RBMS3: variants seen among roughly 807,000 people sequenced by gnomAD.
The protein encoded by RBMS3 is RNA binding motif single stranded interacting protein 3.
In RBMS3, 27 loss-of-function variants were observed where a neutral mutation model predicts 66.8. That is an observed-to-expected ratio of 0.40 (90% confidence interval 0.30 to 0.56). The LOEUF (loss-of-function observed/expected upper bound fraction) is 0.56, where lower values mean the gene tolerates loss of function less well. Among genes scored for constraint, RBMS3 ranks in the 20% least tolerant of loss-of-function variants. The probability of loss-of-function intolerance (pLI) is 0.40; values close to 1 mark genes in which losing one functional copy is unlikely to be tolerated. For missense variants in RBMS3, 513 were observed against 549.5 expected (o/e 0.93, Z 0.66); for synonymous variants, 188 against 183.0 (o/e 1.03, Z -0.22).
intron 1 of RBMS3, among the ~76,000 whole-genome samples, chr3:29,347,643 T>C (rs1353942573): frequency 1.3e-5 from 2 of 152,164 alleles, no homozygotes; most frequent in African/African-American, 4.8e-5. Context: ...GACAAAGATT[T>C]TACCCCTGAA....
intron 6 of RBMS3, among the ~76,000 whole-genome samples, chr3:29,768,894 A>G (rs186553101): frequency 9.4e-4 from 143 of 152,010 alleles, no homozygotes; most frequent in African/African-American, 3.2e-3. Flanking sequence ...TCAGCTCCCA[A>G]TTAAACTACC....
Position 29,290,006 on chromosome 3 carries a change from G to A in RBMS3, c.75+8250G>A, listed in dbSNP as rs1163578229. 3.3e-5 allele frequency among the ~76,000 whole-genome samples: 5 copies of A among 151,698 alleles called. No individual in the cohort carries two copies. The South Asian group carries it at 6.2e-4, about 19-fold the overall frequency. ...GTACTACTACTTAGTCATTTTCCCT[G>A]ACTGATGACAATTTAATGAAAAGTG... is the stretch of plus-strand genomic sequence containing the variant. On this transcript the variant is annotated intron_variant, in intron 1 of 14. Coordinates refer to ENST00000383767, the MANE Select transcript of RBMS3 (RefSeq NM_001003793.3).
At chr3:29,550,596 A>G (rs972907789) in intron 3 of RBMS3, among the ~76,000 whole-genome samples, 1 of 152,150 alleles carries the variant, frequency 6.6e-6, no homozygotes, top group East Asian at 1.9e-4. Flanking sequence ...AATACAGTGT[A>G]ATATATAGTA....
intron 3 of RBMS3, among the ~76,000 whole-genome samples, chr3:29,493,070 T>C (rs2043610714): frequency 6.6e-6 from 1 of 152,188 alleles, no homozygotes; most frequent in Non-Finnish European, 1.5e-5. Flanking sequence ...ACGTACAACT[T>C]TGAGCACTCT....
intron 4 of RBMS3, among the ~76,000 whole-genome samples, chr3:29,675,080 A>G (rs1196664718): frequency 6.6e-6 from 1 of 152,210 alleles, no homozygotes; most frequent in Non-Finnish European, 1.5e-5. Context: ...AAACAGAGAT[A>G]TAGACCAATG....
intron 6 of RBMS3, among the ~76,000 whole-genome samples, chr3:29,833,402 A>G (rs1347094654): frequency 1.3e-5 from 2 of 152,172 alleles, no homozygotes; most frequent in African/African-American, 2.4e-5. Context: ...AGTGAATTGA[A>G]TGTGCTACAA....
At chr3:29,650,092 A>G (rs796366540) in intron 4 of RBMS3, among the ~76,000 whole-genome samples, 10 of 152,296 alleles carry the variant, frequency 6.6e-5, no homozygotes, top group African/African-American at 2.4e-4. Context: ...CATTGTGTTT[A>G]GTTTCACATC....
At chr3:29,993,247 T>A (rs1041931516) in intron 14 of RBMS3, among the ~76,000 whole-genome samples, 26 of 149,250 alleles carry the variant, frequency 1.7e-4, no homozygotes, top group African/African-American at 5.7e-4. Flanking sequence ...GAATCACTTT[T>A]ATGTGCAAAA....
chr3:29,632,743 A>G (rs1355592600), intron 4 of RBMS3, among the ~76,000 whole-genome samples: 1 of 151,936 alleles, frequency 6.6e-6, no homozygotes, highest in African/African-American at 2.4e-5. Context: ...TTATGAATGT[A>G]GAAAACTTAA....
At chr3:29,535,826 A>G (rs1335509988) in intron 3 of RBMS3, among the ~76,000 whole-genome samples, 2 of 140,366 alleles carry the variant, frequency 1.4e-5, no homozygotes, top group Admixed American at 1.6e-4. Context: ...TCATGGACTC[A>G]TTTATAATTT....
chr3:29,650,279 C>CTTTTTTT (rs560594950), intron 4 of RBMS3, among the ~76,000 whole-genome samples: 1 of 96,232 alleles, frequency 1.0e-5, no homozygotes, highest in African/African-American at 4.4e-5. Flanking sequence ...TCCTTTCTTT[C>CTTTTTTT]TTTTTTTTTT....
intron 1 of RBMS3, among the ~76,000 whole-genome samples, chr3:29,433,735 A>C (rs2041293642): frequency 6.6e-6 from 1 of 152,228 alleles, no homozygotes; most frequent in Non-Finnish European, 1.5e-5. Flanking sequence ...TAAAAAAAGA[A>C]GCATAATTAG....
intron 6 of RBMS3, among the ~76,000 whole-genome samples, chr3:29,829,103 G>C (rs546606862): frequency 1.3e-5 from 2 of 151,266 alleles, no homozygotes; most frequent in South Asian, 4.2e-4. Context: ...GGAGTATAAT[G>C]GCACGATCTT....
At chr3:29,482,701 CT>C (rs755520785) in intron 2 of RBMS3, among the ~76,000 whole-genome samples, 125 of 77,494 alleles carry the variant, frequency 1.6e-3, no homozygotes, top group African/African-American at 3.2e-3. Flanking sequence ...TTCTTTCTTT[CT>C]TTTTTTTTTT....
intron 4 of RBMS3, among the ~76,000 whole-genome samples, chr3:29,620,592 C>T (rs2048832418): frequency 6.6e-6 from 1 of 151,944 alleles, no homozygotes; most frequent in African/African-American, 2.4e-5. Context: ...TTTATATTAT[C>T]TTTATGTACT....
At chr3:29,620,115 A>G (rs1451816312) in intron 4 of RBMS3, among the ~76,000 whole-genome samples, 1 of 152,208 alleles carries the variant, frequency 6.6e-6, no homozygotes, top group Non-Finnish European at 1.5e-5. Flanking sequence ...TTACAGTTCC[A>G]GAAAACAAAT....
At chr3:29,711,815 G>A (rs2053183342) in intron 4 of RBMS3, among the ~76,000 whole-genome samples, 1 of 152,102 alleles carries the variant, frequency 6.6e-6, no homozygotes, top group East Asian at 1.9e-4. Flanking sequence ...AAACATCTGG[G>A]TCAATGCTAG....
At chr3:29,869,712 A>G (rs903481825) in intron 7 of RBMS3, among the ~76,000 whole-genome samples, 10 of 152,156 alleles carry the variant, frequency 6.6e-5, no homozygotes, top group Non-Finnish European at 1.3e-4. Context: ...CTGAGCTTCC[A>G]TGAGGTCTTT....
intron 1 of RBMS3, among the ~76,000 whole-genome samples, chr3:29,424,890 CTT>C (rs2040883521): frequency 1.3e-5 from 2 of 152,128 alleles, no homozygotes; most frequent in African/African-American, 4.8e-5. Context: ...CTGGAGGAAA[CTT>C]TGCAAGAGTT....
Sources: allele counts gnomAD v4.1 joint callset (sites outside exome capture counted in the v4.1 genomes callset), GRCh38; gene constraint gnomAD v4.1.1; transcripts MANE v1.5; gene names NCBI Gene and HGNC (gene_info 2026-07-23, HGNC 2026-07-21).